FOXP1: variants seen among roughly 807,000 people sequenced by gnomAD.
FOXP1 encodes the protein forkhead box protein P1.
In FOXP1, 15 loss-of-function variants were observed where a neutral mutation model predicts 98.2. The ratio of observed to expected loss-of-function variants is 0.15; its 90% CI spans 0.10 to 0.24. FOXP1 has a LOEUF of 0.24. Among genes scored for constraint, FOXP1 ranks in the 10% least tolerant of loss-of-function variants. The probability of loss-of-function intolerance (pLI) is 1.00; values close to 1 mark genes in which losing one functional copy is unlikely to be tolerated. For missense variants in FOXP1, 633 were observed against 848.5 expected (o/e 0.75, Z 3.15); for synonymous variants, 371 against 314.5 (o/e 1.18, Z -1.90).
At chr3:71,013,394 A>C (rs550553637) in intron 12 of FOXP1, among the ~76,000 whole-genome samples, 1 of 152,106 alleles carries the variant, frequency 6.6e-6, no homozygotes, top group East Asian at 1.9e-4. Context: ...TAAAGTGCAT[A>C]TGCAATTGCT....
At chr3:71,550,402 T>A (rs2045686339) in intron 2 of FOXP1, among the ~76,000 whole-genome samples, 2 of 152,224 alleles carry the variant, frequency 1.3e-5, no homozygotes, top group Admixed American at 6.5e-5. Context: ...AAAATGAGGA[T>A]AACAGGAGTT....
intron 6 of FOXP1, among the ~76,000 whole-genome samples, chr3:71,127,463 T>C (rs1036198752): frequency 3.3e-5 from 5 of 152,196 alleles, no homozygotes; most frequent in African/African-American, 1.2e-4. Flanking sequence ...AAATACATCC[T>C]TTGACCCTAA....
chr3:71,439,950 G>GA (rs34186820), intron 3 of FOXP1, among the ~76,000 whole-genome samples: 96,309 of 132,876 alleles, frequency 0.72, 35,664 homozygotes, highest in Non-Finnish European at 0.81. Context: ...TCTGTCTCAG[G>GA]AAAAAAAAAA....
intron 7 of FOXP1, among the ~76,000 whole-genome samples, chr3:71,085,979 T>C (rs1272889271): frequency 6.6e-6 from 1 of 151,962 alleles, no homozygotes; most frequent in Admixed American, 6.6e-5. Context: ...CTGCCCGCCT[T>C]GGCCTCCCAA....
chr3:71,026,920 T>C (rs2046199672), intron 11 of FOXP1, among the ~76,000 whole-genome samples: 2 of 152,130 alleles, frequency 1.3e-5, no homozygotes, highest in Admixed American at 1.3e-4. Flanking sequence ...TGCAAGGTGA[T>C]GAGTGAAGGA....
intron 7 of FOXP1, among the ~76,000 whole-genome samples, chr3:71,055,257 G>A (rs541105145): frequency 2.6e-5 from 4 of 152,308 alleles, no homozygotes; most frequent in South Asian, 2.1e-4. Flanking sequence ...CATGCACAGC[G>A]AATGTTCTCC....
chr3:71,543,631 G>T (rs1184726557), intron 2 of FOXP1: 1 of 152,276 alleles, frequency 6.6e-6, no homozygotes, highest in Non-Finnish European at 1.5e-5. Flanking sequence ...CTCTCAGCTA[G>T]CCGTGGAGGC....
intron 7 of FOXP1, among the ~76,000 whole-genome samples, chr3:71,099,551 A>C (rs1053955312): frequency 2.6e-5 from 4 of 151,886 alleles, no homozygotes; most frequent in African/African-American, 4.8e-5. Context: ...AAACAAAAAA[A>C]CCCCACAGTT....
chr3:71,260,087 T>C (rs931528725), intron 5 of FOXP1, among the ~76,000 whole-genome samples: 8 of 152,126 alleles, frequency 5.3e-5, no homozygotes, highest in Non-Finnish European at 1.0e-4. Context: ...GGGTTCACGC[T>C]ATTCTCCTGC....
At chr3:71,328,083 A>G (rs2076029900) in intron 4 of FOXP1, among the ~76,000 whole-genome samples, 1 of 152,260 alleles carries the variant, frequency 6.6e-6, no homozygotes, top group East Asian at 1.9e-4. Flanking sequence ...AGTGTTCAAG[A>G]TACGTGATAA....
chr3:71,026,485 G>A (rs1455269022), intron 11 of FOXP1, among the ~76,000 whole-genome samples: 1 of 152,154 alleles, frequency 6.6e-6, no homozygotes, highest in Non-Finnish European at 1.5e-5. Context: ...CCTCACGGTC[G>A]TTCTGGACTT....
At chr3:71,486,482 G>C (rs2090657878) in intron 3 of FOXP1, among the ~76,000 whole-genome samples, 1 of 152,152 alleles carries the variant, frequency 6.6e-6, no homozygotes, top group African/African-American at 2.4e-5. Flanking sequence ...TGCTGATTTT[G>C]TCACCCTTAA....
rs1398968450 is a variant in FOXP1, at chr3:71,008,896, T to TC, written c.974+6652dup. 5.3e-5 allele frequency among the ~76,000 whole-genome samples: 8 copies of TC among 151,590 alleles called. No individual in the cohort carries two copies. The East Asian group carries it at 9.7e-4, about 18-fold the overall frequency. ...TATGCTTCAGTTTTAGACCTGTGAG[T>TC]CCCCCCCACCTCTCTTTTTTCTGAA... is the stretch of plus-strand genomic sequence containing the variant. On this transcript the variant is annotated intron_variant, in intron 12 of 20. Transcript: ENST00000649528.
At chr3:71,279,709 T>C (rs943409542) in intron 5 of FOXP1, among the ~76,000 whole-genome samples, 5 of 152,198 alleles carry the variant, frequency 3.3e-5, no homozygotes, top group African/African-American at 1.2e-4. Flanking sequence ...ATAATGTTGC[T>C]ATATATCAAT....
chr3:71,458,146 C>A (rs563072097), intron 3 of FOXP1, among the ~76,000 whole-genome samples: 2 of 152,332 alleles, frequency 1.3e-5, no homozygotes, highest in East Asian at 1.9e-4. Context: ...TACAAGATTA[C>A]TTCACTTCTG....
At chr3:71,355,928 C>T (rs140658991) in intron 4 of FOXP1, among the ~76,000 whole-genome samples, 34 of 152,224 alleles carry the variant, frequency 2.2e-4, no homozygotes, top group African/African-American at 8.2e-4. Context: ...ACTGGGTCAT[C>T]CATGAGTACT....
intron 7 of FOXP1, among the ~76,000 whole-genome samples, chr3:71,063,230 C>G (rs1018999028): frequency 2.6e-5 from 4 of 152,234 alleles, no homozygotes; most frequent in African/African-American, 9.6e-5. Context: ...CAAAGAATCA[C>G]ATAAAACAGA....
chr3:71,414,851 T>C (rs984595926), intron 3 of FOXP1, among the ~76,000 whole-genome samples: 4 of 152,260 alleles, frequency 2.6e-5, no homozygotes, highest in African/African-American at 9.6e-5. Context: ...CACTCGCTGA[T>C]GGATCAGCAG....
intron 7 of FOXP1, among the ~76,000 whole-genome samples, chr3:71,075,442 AT>A (rs2053697821): frequency 6.6e-6 from 1 of 152,156 alleles, no homozygotes; most frequent in African/African-American, 2.4e-5. Context: ...TAGACTTCTT[AT>A]TTTTTTGTGC....
Sources: gnomAD v4.1 joint callset for allele counts (sites outside exome capture counted in the v4.1 genomes callset) on GRCh38, gnomAD v4.1.1 for gene constraint, MANE v1.5 for transcripts, NCBI Gene and HGNC (gene_info 2026-07-23, HGNC 2026-07-21) for gene names.